CMBL: variants seen among roughly 807,000 people sequenced by gnomAD.
CMBL encodes the protein carboxymethylenebutenolidase homolog, also known as carboxymethylenebutenolidase homolog (Pseudomonas).
A neutral mutation model predicts 28.7 loss-of-function variants in CMBL; 17 were observed. That is an observed-to-expected ratio of 0.59 (90% CI 0.41 to 0.89). CMBL has a LOEUF of 0.89. CMBL is among the 40% of genes least tolerant of loss of function. CMBL has a pLI of 0.00. For synonymous variants in CMBL, 106 were observed against 101.6 expected (o/e 1.04, Z -0.26); for missense variants, 310 against 298.5 (o/e 1.04, Z -0.28).
intron 4 of CMBL, 64 bp from the exon 5 acceptor site, chr5:10,282,352 C>G (rs936356630): frequency 1.1e-6 from 1 of 936,400 alleles, no homozygotes; most frequent in Non-Finnish European, 1.8e-6. Flanking sequence ...ATCCCCACAC[C>G]CATGCCGCAT....
intron 4 of CMBL, among the ~76,000 whole-genome samples, chr5:10,283,906 A>G (rs892642447): frequency 1.3e-5 from 2 of 152,250 alleles, no homozygotes; most frequent in Non-Finnish European, 2.9e-5. Flanking sequence ...ATAAGTAAGT[A>G]AAAGATTTGC....
intron 3 of CMBL, among the ~76,000 whole-genome samples, 199 bp downstream of exon 3, chr5:10,288,223 T>C (rs1446002511): frequency 2.0e-5 from 3 of 152,018 alleles, no homozygotes; most frequent in Non-Finnish European, 4.4e-5. Flanking sequence ...GCCGAGATCA[T>C]GCCACTGCTC....
At chr5:10,291,586 G>C (rs10060917) in intron 1 of CMBL, among the ~76,000 whole-genome samples, 2 of 150,760 alleles carry the variant, frequency 1.3e-5, no homozygotes, top group Non-Finnish European at 3.0e-5. Flanking sequence ...GCGTGAACCC[G>C]GGAGGCGGAG....
rs1360082546 is a variant in CMBL, at chr5:10,289,309, C to G, written c.216-780G>C. On this transcript the variant is annotated intron_variant, in intron 2 of 5. Coordinates refer to ENST00000296658, the MANE Select transcript of CMBL (RefSeq NM_138809.4). The surrounding 1 kb of genome is among the most constrained non-coding windows in gnomAD (Gnocchi z 4.3). ...ACCGCTTCTAGCCTCATTTTCTCAT[C>G]TGACAAACTTGCACTGCCTAACCCC... 2.6e-5 allele frequency among the ~76,000 whole-genome samples: 4 copies of G among 152,318 alleles called. No individual in the cohort carries two copies. In the East Asian group the frequency reaches 7.7e-4, roughly 29 times the overall value.
Position 10,286,471 on chromosome 5 carries a change from GATACTTC to G in CMBL, c.342_348del (p.Leu114PhefsTer2), listed in dbSNP as rs1381552914. On this transcript the variant is annotated frameshift_variant, in exon 4 of 6. Transcript: ENST00000296658. LOFTEE classifies it high-confidence loss of function. ...TTCTGGGCATGACACTGTTGTTTCAGATACTTCAAGATAGCACTGATCTCTCTAGAAC... is the reference window on the plus strand; with the variant it reads ...TTCTGGGCATGACACTGTTGTTTCAGAAGATAGCACTGATCTCTCTAGAAC... 1.9e-6 allele frequency: 3 copies of G among 1,613,944 alleles called. No individual in the cohort carries two copies. Among genetic ancestry groups the G allele is most frequent in the Non-Finnish European group, 8.5e-7 (1 of 1,179,970 alleles).
At chr5:10,301,551 A>C (rs1375158712) in intron 1 of CMBL, among the ~76,000 whole-genome samples, 2 of 151,076 alleles carry the variant, frequency 1.3e-5, no homozygotes, top group Non-Finnish European at 2.9e-5. Context: ...CACCCCTCAG[A>C]CACAAGCAGC....
rs77866471 is a variant in CMBL at position 10,306,146 on chromosome 5, G to C, written c.-20+1479C>G. 2.3e-3 allele frequency among the ~76,000 whole-genome samples: 350 copies of C among 152,318 alleles called. 3 individuals carry two copies. Among genetic ancestry groups the C allele is most frequent in the Non-Finnish European group, 3.6e-3 (247 of 68,024 alleles). ...AACACTGGCAGTCAGACAGGTAAGA[G>C]AGGTGATAAAGTATGGTGAGGGTGT... On this transcript the variant is annotated intron_variant, in intron 1 of 5. Coordinates refer to ENST00000296658, the MANE Select transcript of CMBL (RefSeq NM_138809.4).
Position 10,280,484 on chromosome 5 carries a change from T to G in CMBL, c.707A>C (p.Asn236Thr). The change falls in exon 6 of 6, where the codon AAT (asparagine) becomes ACT (threonine). Residue 236 changes from asparagine (N) to threonine (T), a missense_variant. Coordinates refer to ENST00000296658, the MANE Select transcript of CMBL (RefSeq NM_138809.4). ...DKPYIDEARR[N>T]LIEWLNKYM ...GTACTTGTTCAGCCACTCAATTAAA[T>G]TCCTTCTGGCCTCGTCAATGTAGGG... The G allele has an allele frequency of 6.2e-7, 1 of 1,607,500 alleles. No individual in the cohort carries two copies. Among genetic ancestry groups the G allele is most frequent in the Non-Finnish European group, 8.5e-7 (1 of 1,174,866 alleles).
chr5:10,292,878 C>G (rs959109992), intron 1 of CMBL, among the ~76,000 whole-genome samples: 9 of 144,826 alleles, frequency 6.2e-5, no homozygotes, highest in Non-Finnish European at 1.2e-4. Context: ...GAACTAGGAA[C>G]ACTAAACCCA....
At chr5:10,301,491 TA>T (rs1355748874) in intron 1 of CMBL, among the ~76,000 whole-genome samples, 3 of 148,932 alleles carry the variant, frequency 2.0e-5, no homozygotes, top group Admixed American at 2.0e-4. Context: ...TGACCAAAGG[TA>T]AGGGGTGGGG....
At chr5:10,286,258 G>A (rs1337525943) in intron 4 of CMBL, 96 bp downstream of exon 4, 7 of 1,212,732 alleles carry the variant, frequency 5.8e-6, no homozygotes, top group African/African-American at 3.0e-5. Context: ...TCACATTATT[G>A]GGGGTTGTGT....
rs1282203006 is a variant in CMBL at position 10,278,228 on chromosome 5, T to A, written c.*2225A>T. ...TCCTGAGCATCTATTTGAATGTAAG[T>A]TGGACTTTCTCATACTAGAAGCAGG... On this transcript the variant is annotated 3_prime_UTR_variant, in exon 6 of 6. Transcript: ENST00000296658. 1.3e-5 allele frequency among the ~76,000 whole-genome samples: 2 copies of A among 152,244 alleles called. No individual in the cohort carries two copies. The highest frequency in any genetic ancestry group is 2.9e-5 in the Non-Finnish European group (2 of 68,044).
At chr5:10,284,474 C>G (rs763923843) in intron 4 of CMBL, among the ~76,000 whole-genome samples, 7 of 152,226 alleles carry the variant, frequency 4.6e-5, no homozygotes, top group African/African-American at 7.2e-5. Flanking sequence ...CATTTTTTGA[C>G]TTTACAATGG....
intron 2 of CMBL, 80 bp from the exon 3 acceptor site, chr5:10,288,609 G>A: frequency 1.8e-6 from 2 of 1,087,080 alleles, no homozygotes; most frequent in Non-Finnish European, 2.8e-6. Context: ...TTAAAAACTT[G>A]CTACGTTGGC....
chr5:10,277,856 C>T lies in CMBL; in HGVS notation c.*2597G>A, dbSNP rs1418292612. Reference sequence around the variant, plus strand: ...GGCCCCAAGCTCACCATGAAGGATACAGCCACACCCTTGGTTCATTCTCGC... The same window carrying T: ...GGCCCCAAGCTCACCATGAAGGATATAGCCACACCCTTGGTTCATTCTCGC... On this transcript the variant is annotated 3_prime_UTR_variant, in exon 6 of 6. Coordinates refer to ENST00000296658, the MANE Select transcript of CMBL (RefSeq NM_138809.4). Among the ~76,000 whole-genome samples the T allele has an allele frequency of 6.6e-6, 1 of 152,232 alleles. No individual in the cohort carries two copies. Among genetic ancestry groups the T allele is most frequent in the East Asian group, 1.9e-4 (1 of 5,204 alleles).
rs1002507225 is a variant in CMBL at position 10,277,883 on chromosome 5, C to T, written c.*2570G>A. On this transcript the variant is annotated 3_prime_UTR_variant, in exon 6 of 6. Transcript: ENST00000296658. ...GCCACACCCTTGGTTCATTCTCGCA[C>T]GAATTTCAGACCTCCCACCTATGTT... is the stretch of plus-strand genomic sequence containing the variant. 9.9e-5 allele frequency among the ~76,000 whole-genome samples: 15 copies of T among 152,226 alleles called. No homozygotes were observed. The highest frequency in any genetic ancestry group is 2.9e-4 in the African/African-American group (12 of 41,468).
intron 3 of CMBL, among the ~76,000 whole-genome samples, chr5:10,286,807 A>G (rs1746612327): frequency 6.6e-6 from 1 of 152,202 alleles, no homozygotes; most frequent in Admixed American, 6.5e-5. Flanking sequence ...GATGAAGGCC[A>G]CAGCCCACAG....
intron 1 of CMBL, among the ~76,000 whole-genome samples, chr5:10,304,188 C>A (rs1746958917): frequency 6.6e-6 from 1 of 150,436 alleles, no homozygotes; most frequent in Admixed American, 6.6e-5. Flanking sequence ...CAGGGAGACC[C>A]CATCTCTACA....
chr5:10,298,010 G>A (rs565910614), intron 1 of CMBL, among the ~76,000 whole-genome samples: 1 of 152,082 alleles, frequency 6.6e-6, no homozygotes, highest in East Asian at 1.9e-4. Flanking sequence ...CGAGAAGTAC[G>A]TATGGCTGTT....
Sources: gnomAD v4.1 joint callset for allele counts (sites outside exome capture counted in the v4.1 genomes callset) on GRCh38, gnomAD v4.1.1 for gene constraint, Gnocchi (gnomAD v3.1) non-coding constraint, MANE v1.5 for transcripts, NCBI Gene and HGNC (gene_info 2026-07-23, HGNC 2026-07-21) for gene names.